The following RYR3 variants were observed in gnomAD, a reference collection of about 807,000 sequenced individuals.
RYR3 encodes the protein ryanodine receptor 3.
A neutral mutation model predicts 584.3 loss-of-function variants in RYR3; 207 were observed. That is an observed-to-expected ratio of 0.35 (90% CI 0.32 to 0.40). The LOEUF (loss-of-function observed/expected upper bound fraction) is 0.40, where lower values mean the gene tolerates loss of function less well. RYR3 is among the 10% of genes least tolerant of loss of function. RYR3 has a pLI of 1.00. For synonymous variants in RYR3, 2,416 were observed against 2,248.5 expected, an observed-to-expected ratio of 1.07 and a Z score of -2.11; for missense variants, 5,616 against 6,089.2, an observed-to-expected ratio of 0.92 and a Z score of 2.59.
intron 1 of RYR3, among the ~76,000 whole-genome samples, chr15:33,377,912 C>G (rs2040872236): frequency 6.6e-6 from 1 of 151,978 alleles, no homozygotes; most frequent in Admixed American, 6.5e-5. Flanking sequence ...TCCCCAGTAG[C>G]TGGGACTACA....
chr15:33,448,138 G>A (rs913076515), intron 1 of RYR3, among the ~76,000 whole-genome samples: 1 of 152,196 alleles, frequency 6.6e-6, no homozygotes, highest in Non-Finnish European at 1.5e-5. Context: ...CTTCTCTCTT[G>A]TCTTGGTTCC....
chr15:33,417,634 G>C (rs2043912388), intron 1 of RYR3, among the ~76,000 whole-genome samples: 1 of 152,296 alleles, frequency 6.6e-6, no homozygotes, highest in Admixed American at 6.5e-5. Flanking sequence ...AGTGAAGAGA[G>C]ATAATTTGAC....
intron 1 of RYR3, among the ~76,000 whole-genome samples, chr15:33,349,665 A>G (rs952296424): frequency 5.4e-5 from 8 of 149,276 alleles, no homozygotes; most frequent in Non-Finnish European, 1.0e-4. Context: ...ACATATGTAT[A>G]CATGTGCCAT....
chr15:33,368,326 T>C (rs901643718), intron 1 of RYR3, among the ~76,000 whole-genome samples: 1 of 149,394 alleles, frequency 6.7e-6, no homozygotes, highest in Non-Finnish European at 1.5e-5. Flanking sequence ...TTCTTCATTG[T>C]AGCCTTCCTG....
intron 43 of RYR3, among the ~76,000 whole-genome samples, chr15:33,712,751 T>G (rs1448609675): frequency 6.6e-6 from 1 of 152,228 alleles, no homozygotes; most frequent in African/African-American, 2.4e-5. Flanking sequence ...CAGAAGAGTT[T>G]GGAGTAGAGA....
intron 32 of RYR3, among the ~76,000 whole-genome samples, chr15:33,653,213 A>G (rs570856682): frequency 1.3e-5 from 2 of 152,334 alleles, no homozygotes; most frequent in Admixed American, 6.5e-5. Flanking sequence ...TATTACCTGC[A>G]CTATACAAGA....
chr15:33,684,691 C>A (rs571495613), intron 38 of RYR3, among the ~76,000 whole-genome samples: 1 of 152,224 alleles, frequency 6.6e-6, no homozygotes, highest in East Asian at 1.9e-4. Flanking sequence ...ATATAAAGGG[C>A]AGCCAGAGAG....
chr15:33,359,593 C>CTTATTTAT (rs34142769), intron 1 of RYR3, among the ~76,000 whole-genome samples: 2,451 of 144,892 alleles, frequency 0.017, 23 homozygotes, highest in Middle Eastern at 0.026. Flanking sequence ...TCCCTGACCC[C>CTTATTTAT]TTATTTATTT....
At chr15:33,529,219 A>T (rs748595515) in intron 3 of RYR3, among the ~76,000 whole-genome samples, 3 of 152,216 alleles carry the variant, frequency 2.0e-5, no homozygotes, top group Non-Finnish European at 4.4e-5. Context: ...CACTTAAATA[A>T]TCTCTGTAGC....
At chr15:33,658,689 A>G (rs1439943287) in intron 32 of RYR3, among the ~76,000 whole-genome samples, 1 of 152,236 alleles carries the variant, frequency 6.6e-6, no homozygotes, top group Non-Finnish European at 1.5e-5. Context: ...GTAGTCTTCC[A>G]TCATCCTCCA....
chr15:33,642,966 A>C (rs2061912349), intron 27 of RYR3, among the ~76,000 whole-genome samples: 1 of 152,246 alleles, frequency 6.6e-6, no homozygotes, highest in Non-Finnish European at 1.5e-5. Flanking sequence ...TTCTAAAAGC[A>C]ACCACATAGC....
At chr15:33,794,888 C>T (rs1332255633) in intron 67 of RYR3, among the ~76,000 whole-genome samples, 4 of 152,160 alleles carry the variant, frequency 2.6e-5, no homozygotes, top group African/African-American at 9.7e-5. Context: ...AATACCCGTT[C>T]CTTTTTCCTA....
chr15:33,764,339 G>A (rs1180915542), intron 60 of RYR3, among the ~76,000 whole-genome samples: 3 of 151,328 alleles, frequency 2.0e-5, no homozygotes, highest in Non-Finnish European at 4.4e-5. Context: ...AGAAAACCAA[G>A]TACCACATGT....
At chr15:33,477,768 G>T (rs1229306788) in intron 2 of RYR3, among the ~76,000 whole-genome samples, 1 of 139,076 alleles carries the variant, frequency 7.2e-6, no homozygotes, top group Non-Finnish European at 1.5e-5. Flanking sequence ...CCAGCTACTC[G>T]GGAGGCTGAG....
At chr15:33,752,809 T>A (rs948598974) in intron 57 of RYR3, among the ~76,000 whole-genome samples, 2 of 152,054 alleles carry the variant, frequency 1.3e-5, no homozygotes, top group Admixed American at 1.3e-4. Flanking sequence ...GTCTTGTGCC[T>A]GTTTTCAAAG....
chr15:33,333,968 C>G (rs1315836373), intron 1 of RYR3, among the ~76,000 whole-genome samples: 2 of 152,130 alleles, frequency 1.3e-5, no homozygotes, highest in Non-Finnish European at 1.5e-5. Flanking sequence ...AGGAATATAG[C>G]TAACAAGGGA....
At chr15:33,791,035 A>G (rs531258663) in intron 67 of RYR3, among the ~76,000 whole-genome samples, 1 of 152,324 alleles carries the variant, frequency 6.6e-6, no homozygotes, top group South Asian at 2.1e-4. Flanking sequence ...TGAAGTATTG[A>G]AGATAAAAAG....
chr15:33,562,309 G>T (rs149257459), intron 10 of RYR3, among the ~76,000 whole-genome samples: 1 of 152,172 alleles, frequency 6.6e-6, no homozygotes, highest in Non-Finnish European at 1.5e-5. Flanking sequence ...TACTACATTA[G>T]CTTAAGCCAC....
chr15:33,556,294 C>A (rs774235816), intron 10 of RYR3, among the ~76,000 whole-genome samples: 2 of 152,182 alleles, frequency 1.3e-5, no homozygotes, highest in Non-Finnish European at 2.9e-5. Context: ...GCGTAACTTA[C>A]AACTCAACCA....
Sources: allele counts gnomAD v4.1 joint callset (sites outside exome capture counted in the v4.1 genomes callset), GRCh38; gene constraint gnomAD v4.1.1; transcripts MANE v1.5; gene names NCBI Gene and HGNC (gene_info 2026-07-23, HGNC 2026-07-21).